Variants in PREP observed in about 807,000 individuals in gnomAD.
PREP encodes the protein dJ355L5.1 (prolyl endopeptidase).
A neutral mutation model predicts 87.6 loss-of-function variants in PREP; 29 were observed. The observed-to-expected ratio is 0.33, with a 90% CI of 0.25 to 0.45. The LOEUF is 0.45. Ranked by LOEUF, PREP falls within the 20% of genes least tolerant of loss-of-function variation. PREP has a pLI of 1.00. For missense variants in PREP, 695 were observed against 886.5 expected, an observed-to-expected ratio of 0.78 and a Z score of 2.74; for synonymous variants, 337 against 328.6, an observed-to-expected ratio of 1.03 and a Z score of -0.28.
chr6:105,340,871 A>G (rs1452559592), intron 7 of PREP, among the ~76,000 whole-genome samples: 3 of 152,208 alleles, frequency 2.0e-5, no homozygotes, highest in African/African-American at 7.2e-5. Context: ...CCAATACAGG[A>G]GCACCCAGAT....
At chr6:105,334,727 A>G (rs1203080112) in intron 7 of PREP, among the ~76,000 whole-genome samples, 2 of 151,914 alleles carry the variant, frequency 1.3e-5, no homozygotes, top group Non-Finnish European at 2.9e-5. Flanking sequence ...CAACAACAAC[A>G]ACAACAACAA....
At chr6:105,351,905 T>A (rs1405123015) in intron 7 of PREP, among the ~76,000 whole-genome samples, 1 of 152,192 alleles carries the variant, frequency 6.6e-6, no homozygotes, top group African/African-American at 2.4e-5. Flanking sequence ...TGGATATATA[T>A]TTAACTCTAG....
intron 5 of PREP, 55 bp from the exon 6 acceptor site, chr6:105,369,079 A>T (rs1408815447): frequency 6.3e-7 from 1 of 1,585,064 alleles, no homozygotes; most frequent in South Asian, 1.1e-5. Flanking sequence ...AAGAAAATCA[A>T]TTCCACCCAT....
At chr6:105,367,954 T>A (rs544319641) in intron 6 of PREP, among the ~76,000 whole-genome samples, 2 of 151,678 alleles carry the variant, frequency 1.3e-5, no homozygotes, top group African/African-American at 4.9e-5. Context: ...CAGTTTTTTT[T>A]ACTAACCCCT....
chr6:105,322,279 A>G, intron 10 of PREP: 1 of 919,898 alleles, frequency 1.1e-6, no homozygotes, highest in Non-Finnish European at 1.3e-6. Flanking sequence ...AAAGTCTGTT[A>G]CATTTATTTC....
intron 5 of PREP, among the ~76,000 whole-genome samples, 158 bp downstream of exon 5, chr6:105,373,211 G>A (rs1772601349): frequency 6.6e-6 from 1 of 152,164 alleles, no homozygotes; most frequent in Admixed American, 6.5e-5. Flanking sequence ...CATTTTGGTG[G>A]GGTCTATTAC....
intron 10 of PREP, among the ~76,000 whole-genome samples, chr6:105,306,305 C>T (rs1770656504): frequency 6.6e-6 from 1 of 152,174 alleles, no homozygotes; most frequent in Admixed American, 6.5e-5. Flanking sequence ...TTATGAAGCA[C>T]TGGGGTGCAT....
rs1480743059 is a variant in PREP, at chr6:105,402,945, C to T, written c.-54G>A. On this transcript the variant is annotated 5_prime_UTR_variant, in exon 1 of 15. Transcript: ENST00000652536. ...AGGGGCGCGGGCTCCGGGAGCGGACCTGAGCTAGCCGGGCTGGCCGCGAGG... is the reference window on the plus strand; with the variant it reads ...AGGGGCGCGGGCTCCGGGAGCGGACTTGAGCTAGCCGGGCTGGCCGCGAGG... The T allele has an allele frequency of 2.8e-6, 3 of 1,085,790 alleles. No homozygotes were observed. Among genetic ancestry groups the T allele is most frequent in the East Asian group, 3.3e-5 (1 of 30,682 alleles). The allele number at this position is 1,085,790 out of a possible 1,614,324, so 67.3% of individuals were successfully genotyped here.
intron 6 of PREP, among the ~76,000 whole-genome samples, chr6:105,355,314 G>C (rs1369899218): frequency 1.3e-5 from 2 of 152,114 alleles, no homozygotes; most frequent in African/African-American, 2.4e-5. Context: ...TTGAACTTCT[G>C]ACCTCAAGGT....
At position 105,278,019 on chromosome 6, in the gene PREP, C is replaced by T; in HGVS notation, c.*125G>A. On this transcript the variant is annotated 3_prime_UTR_variant, in exon 15 of 15. Transcript: ENST00000652536. This position sits in a 1 kb window ranked among gnomAD's most constrained non-coding sequence, Gnocchi z 4.2. The stretch of plus-strand genomic sequence containing the variant: ...AAATTCCCACGGCAGTTCTGTTCAA[C>T]TGTAGCCTGTGAGTGCAGGAATAAT... 9 of 1,285,714 alleles carry T rather than the reference C, an allele frequency of 7.0e-6. No individual in the cohort carries two copies. In the South Asian group the frequency reaches 1.3e-4, roughly 18 times the overall value. The allele number at this position is 1,285,714 out of a possible 1,614,324, so 79.6% of individuals were successfully genotyped here.
chr6:105,289,099 C>T (rs541771797), intron 10 of PREP, among the ~76,000 whole-genome samples: 2 of 152,166 alleles, frequency 1.3e-5, no homozygotes, highest in Non-Finnish European at 2.9e-5. Flanking sequence ...CGTTTGAAAA[C>T]AGGGAGACCT....
chr6:105,323,230 G>T, intron 10 of PREP: 3 of 851,488 alleles, frequency 3.5e-6, no homozygotes, highest in Non-Finnish European at 5.1e-6. Context: ...TGTCTACTCT[G>T]TGTCATGCAG....
intron 7 of PREP, among the ~76,000 whole-genome samples, chr6:105,335,441 C>T (rs1219174713): frequency 1.3e-5 from 2 of 152,142 alleles, no homozygotes; most frequent in Admixed American, 6.6e-5. Context: ...CTGAATTAAA[C>T]TTAACAGGGA....
At chr6:105,377,761 G>A (rs1562222990) in intron 2 of PREP, among the ~76,000 whole-genome samples, 1 of 152,064 alleles carries the variant, frequency 6.6e-6, no homozygotes, top group Non-Finnish European at 1.5e-5. Context: ...ATGCTTACAG[G>A]GCAAGTATTA....
At chr6:105,366,184 G>T (rs980799559) in intron 6 of PREP, among the ~76,000 whole-genome samples, 7 of 152,246 alleles carry the variant, frequency 4.6e-5, no homozygotes, top group Middle Eastern at 3.4e-3. Context: ...TTGAACCCGG[G>T]AGGTGGAGGT....
At chr6:105,349,951 G>GTCA in intron 7 of PREP, among the ~76,000 whole-genome samples, 1 of 146,590 alleles carries the variant, frequency 6.8e-6, no homozygotes, top group African/African-American at 2.6e-5. Context: ...GTTAGTCATG[G>GTCA]TCATCAACCG....
At chr6:105,378,145 T>C (rs1283041138) in intron 2 of PREP, among the ~76,000 whole-genome samples, 3 of 152,164 alleles carry the variant, frequency 2.0e-5, no homozygotes, top group Admixed American at 6.5e-5. Context: ...TTGCTAAAAT[T>C]TGCAACCAAA....
intron 5 of PREP, among the ~76,000 whole-genome samples, chr6:105,369,802 C>A (rs1013328246): frequency 7.9e-5 from 12 of 151,734 alleles, no homozygotes; most frequent in African/African-American, 2.9e-4. Flanking sequence ...AAGAACTCAG[C>A]AATAAGAAAA....
rs755488405 is a variant in PREP, at chr6:105,333,321, A to G, written c.1008T>C (p.Asp336=). The part of the protein sequence containing the change: ...WKVLVPEHEK[D]VLEWIACVRS... ...AGTCACATGTGTTCTCACCTAAGAC[A>G]TCTTTCTCATGCTCAGGAACAAGTA... is the stretch of plus-strand genomic sequence containing the variant. The change falls in exon 8 of 15, where the codon GAT becomes GAC. Residue 336 remains aspartate, a synonymous_variant. Transcript: ENST00000652536. 1 of 1,613,686 alleles carries G rather than the reference A, an allele frequency of 6.2e-7. No individual in the cohort carries two copies. The highest frequency in any genetic ancestry group is 1.3e-5 in the African/African-American group (1 of 74,918).
Sources: allele counts gnomAD v4.1 joint callset (sites outside exome capture counted in the v4.1 genomes callset), GRCh38; gene constraint gnomAD v4.1.1; non-coding constraint Gnocchi (gnomAD v3.1); transcripts MANE v1.5; gene names NCBI Gene and HGNC (gene_info 2026-07-23, HGNC 2026-07-21).